The following ANKFN1 variants were observed in gnomAD, a reference collection of about 807,000 sequenced individuals.
ANKFN1 encodes ankyrin repeat and fibronectin type-III domain-containing protein 1.
In ANKFN1, 74 loss-of-function variants were observed where a neutral mutation model predicts 108.7. The observed-to-expected ratio is 0.68, with a 90% CI of 0.56 to 0.83. The LOEUF (loss-of-function observed/expected upper bound fraction) is 0.83, where lower values mean the gene tolerates loss of function less well. Ranked by LOEUF, ANKFN1 falls within the 40% of genes least tolerant of loss-of-function variation. The pLI is 0.00. For missense variants in ANKFN1, 1,505 were observed against 1,382.3 expected (o/e 1.09, Z -1.41); for synonymous variants, 547 against 516.2 (o/e 1.06, Z -0.81).
chr17:56,231,945 A>G (rs1357340778), intron 3 of ANKFN1, among the ~76,000 whole-genome samples: 1 of 152,046 alleles, frequency 6.6e-6, no homozygotes, highest in Non-Finnish European at 1.5e-5. Flanking sequence ...CCCTTCCTCT[A>G]TCTCATATGG....
chr17:56,093,346 G>C (rs1250011730), intron 4 of ANKFN1, among the ~76,000 whole-genome samples: 3 of 151,272 alleles, frequency 2.0e-5, no homozygotes, highest in African/African-American at 4.9e-5. Flanking sequence ...AACTATGACT[G>C]TGTGACCTTG....
chr17:56,153,593 A>G, intron 1 of ANKFN1, 63 bp downstream of exon 1: 1 of 1,596,560 alleles, frequency 6.3e-7, no homozygotes, highest in Non-Finnish European at 8.6e-7. Context: ...TTTGCATTCA[A>G]CAGGCAGGAA....
At chr17:56,314,827 A>C (rs957794042) in intron 3 of ANKFN1, among the ~76,000 whole-genome samples, 4 of 152,242 alleles carry the variant, frequency 2.6e-5, no homozygotes, top group African/African-American at 9.6e-5. Flanking sequence ...ATAAGGGCAC[A>C]GTCAAAAAAT....
At chr17:56,101,457 C>T (rs951195378) in intron 4 of ANKFN1, among the ~76,000 whole-genome samples, 1 of 152,072 alleles carries the variant, frequency 6.6e-6, no homozygotes, top group African/African-American at 2.4e-5. Flanking sequence ...GTTAGGTCCC[C>T]TAGGATTACT....
At chr17:56,295,340 A>T (rs1301446533) in intron 3 of ANKFN1, among the ~76,000 whole-genome samples, 6 of 152,332 alleles carry the variant, frequency 3.9e-5, no homozygotes, top group Non-Finnish European at 7.3e-5. Flanking sequence ...CTTTCTCCAG[A>T]GTCAAGCCTT....
intron 4 of ANKFN1, among the ~76,000 whole-genome samples, chr17:56,117,230 C>A (rs1413282750): frequency 6.6e-6 from 1 of 152,138 alleles, no homozygotes; most frequent in African/African-American, 2.4e-5. Flanking sequence ...AAGCACATGG[C>A]CCTCAATGAC....
chr17:56,380,168 C>T lies in ANKFN1; in HGVS notation c.910+5454C>T, dbSNP rs2047054446. 1.3e-5 allele frequency among the ~76,000 whole-genome samples: 2 copies of T among 152,174 alleles called. 1 individual carries two copies. Among genetic ancestry groups the T allele is most frequent in the South Asian group, 4.1e-4 (2 of 4,834 alleles). ...TAATTATTTTCTTTACATAGATATTCTATACTTCCTATTGAGTTTCATGCT... is the reference window on the plus strand; with the variant it reads ...TAATTATTTTCTTTACATAGATATTTTATACTTCCTATTGAGTTTCATGCT... On this transcript the variant is annotated intron_variant, in intron 8 of 20. Transcript: ENST00000682825.
At chr17:56,284,377 G>T (rs1188144286) in intron 3 of ANKFN1, among the ~76,000 whole-genome samples, 1 of 152,162 alleles carries the variant, frequency 6.6e-6, no homozygotes, top group Non-Finnish European at 1.5e-5. Flanking sequence ...TTAAAAGTAT[G>T]AGATGAAAAT....
In ANKFN1 at chr17:56,372,509, T is replaced by C. The variant is rs113543589; in HGVS notation, c.602-137T>C. On this transcript the variant is annotated intron_variant, in intron 6 of 20. Coordinates refer to ENST00000682825, the MANE Select transcript of ANKFN1 (RefSeq NM_001370326.1). ...GACCTTATCATAGTAAGATACTTGA[T>C]AACAAACACAGATCCCACTTTTCCC... 1.6e-3 allele frequency: 1,221 copies of C among 747,710 alleles called. 8 individuals are homozygous for C. In the African/African-American group the frequency reaches 0.019, roughly 12 times the overall value. 46.3% of individuals were successfully genotyped at this position (747,710 alleles called of 1,614,324 possible).
chr17:56,390,597 T>C (rs2047399237), intron 8 of ANKFN1, among the ~76,000 whole-genome samples: 2 of 152,248 alleles, frequency 1.3e-5, no homozygotes. Context: ...GTATTTATGG[T>C]TCTAGATCCT....
chr17:56,288,375 A>G (rs1179675136), intron 3 of ANKFN1, among the ~76,000 whole-genome samples: 1 of 152,056 alleles, frequency 6.6e-6, no homozygotes, highest in Non-Finnish European at 1.5e-5. Context: ...TTGTTTTTTT[A>G]GCTGAACAAT....
intron 8 of ANKFN1, among the ~76,000 whole-genome samples, chr17:56,375,827 C>T (rs2046933134): frequency 6.6e-6 from 1 of 152,182 alleles, no homozygotes; most frequent in Non-Finnish European, 1.5e-5. Flanking sequence ...AGTTTTAACT[C>T]TATTTAATCC....
In ANKFN1 at chr17:56,091,339, A is replaced by C. The variant is rs983157576; in HGVS notation, c.288+45014A>C. On this transcript the variant is annotated intron_variant, in intron 4 of 12. Coordinates refer to the ANKFN1 transcript ENST00000635860. Reference sequence around the variant, plus strand: ...AGTAAAATTGTGCAACTGATATTGCAATATATATTTTAAATGAATAGGGTT... The same window carrying C: ...AGTAAAATTGTGCAACTGATATTGCCATATATATTTTAAATGAATAGGGTT... 3.3e-5 allele frequency among the ~76,000 whole-genome samples: 5 copies of C among 150,626 alleles called. 1 individual carries two copies. Among genetic ancestry groups the C allele is most frequent in the African/African-American group, 4.9e-5 (2 of 41,046 alleles).
At chr17:56,460,056 T>TA (rs57118539) in intron 14 of ANKFN1, among the ~76,000 whole-genome samples, 10,059 of 148,004 alleles carry the variant, frequency 0.068, 1,104 homozygotes, top group African/African-American at 0.23. Context: ...CATTGCCACA[T>TA]AAAAAAAAAA....
Position 56,208,414 on chromosome 17 carries a change from A to T in ANKFN1, c.-70-4184A>T, listed in dbSNP as rs138458784. ...ATTATAGGATTTTTAGCAGGCAGTA[A>T]CTTCACCCCCTCCCTGCCCCTCAAA... On this transcript the variant is annotated intron_variant, in intron 1 of 20. Transcript: ENST00000682825. 7.9e-5 allele frequency among the ~76,000 whole-genome samples: 12 copies of T among 152,250 alleles called. No homozygotes were observed. The East Asian group carries it at 2.3e-3, about 29-fold the overall frequency.
chr17:56,250,631 G>C (rs2043212391), intron 3 of ANKFN1, among the ~76,000 whole-genome samples: 1 of 152,164 alleles, frequency 6.6e-6, no homozygotes, highest in Admixed American at 6.5e-5. Context: ...TAAGTGATGG[G>C]AAAAGGGTAC....
At chr17:56,178,776 A>C (rs1911409562) in intron 1 of ANKFN1, among the ~76,000 whole-genome samples, 1 of 152,116 alleles carries the variant, frequency 6.6e-6, no homozygotes, top group Non-Finnish European at 1.5e-5. Flanking sequence ...AACTTCTCAG[A>C]CGTTTAATAT....
Position 56,477,587 on chromosome 17 carries a change from C to T in ANKFN1, c.1873C>T (p.Leu625Phe). ...TAGCTCTGTGGATCAAATCAAAGTT[C>T]TTGTTACCCAAAAGTTGCCCAACAT... Reference protein sequence around the residue: ...LCSSVDQIKVLVTQKLPNILC... With the variant: ...LCSSVDQIKVFVTQKLPNILC... Residue 625 changes from leucine to phenylalanine, a missense_variant, in exon 16 of 21, where the codon CTT (leucine) becomes TTT (phenylalanine). Coordinates refer to ENST00000682825, the MANE Select transcript of ANKFN1 (RefSeq NM_001370326.1). 6.2e-7 allele frequency: 1 copy of T among 1,612,362 alleles called. No individual in the cohort carries two copies. The highest frequency in any genetic ancestry group is 8.5e-7 in the Non-Finnish European group (1 of 1,179,500).
At chr17:56,467,798 GA>G (rs377184903) in intron 15 of ANKFN1, among the ~76,000 whole-genome samples, 4,526 of 29,134 alleles carry the variant, frequency 0.16, 182 homozygotes, top group East Asian at 0.26. Context: ...AAAGAAGAAA[GA>G]AAGAAAGAAA....
Sources: allele counts gnomAD v4.1 joint callset (sites outside exome capture counted in the v4.1 genomes callset), GRCh38; gene constraint gnomAD v4.1.1; transcripts MANE v1.5; gene names NCBI Gene and HGNC (gene_info 2026-07-23, HGNC 2026-07-21).